Variants in COL11A1 observed in about 807,000 individuals in gnomAD.
COL11A1 encodes collagen type XI alpha 1 chain.
A neutral mutation model predicts 265.2 loss-of-function variants in COL11A1; 74 were observed. The observed-to-expected ratio is 0.28, with a 90% CI of 0.23 to 0.34. The LOEUF is 0.34. Ranked by LOEUF, COL11A1 falls within the 10% of genes least tolerant of loss-of-function variation. The pLI is 1.00. For missense variants in COL11A1, 2,165 were observed against 2,263.6 expected, an observed-to-expected ratio of 0.96 and a Z score of 0.88; for synonymous variants, 816 against 727.6, an observed-to-expected ratio of 1.12 and a Z score of -1.96.
intron 42 of COL11A1, among the ~76,000 whole-genome samples, chr1:102,940,944 T>C (rs1658656687): frequency 6.6e-6 from 1 of 152,212 alleles, no homozygotes; most frequent in Non-Finnish European, 1.5e-5. Flanking sequence ...TTACCTATAC[T>C]GTGTAATTTT....
intron 4 of COL11A1, among the ~76,000 whole-genome samples, chr1:103,047,522 C>T (rs1288364480): frequency 6.6e-6 from 1 of 152,142 alleles, no homozygotes; most frequent in African/African-American, 2.4e-5. Flanking sequence ...ATGGGGTTTT[C>T]TGGATATACA....
At chr1:102,914,915 T>TA (rs201316647) in intron 50 of COL11A1, 104 bp from the exon 51 acceptor site, 96 of 644,738 alleles carry the variant, frequency 1.5e-4, no homozygotes, top group African/African-American at 1.4e-3. Context: ...CCAGAATATA[T>TA]TTTTTTTTTA....
chr1:102,921,545 T>C lies in COL11A1; in HGVS notation c.3681A>G (p.Arg1227=). 6.2e-7 allele frequency: 1 copy of C among 1,613,448 alleles called. No homozygotes were observed. The highest frequency in any genetic ancestry group is 8.5e-7 in the Non-Finnish European group (1 of 1,179,602). The part of the protein sequence containing the change: ...PMGPPGPPGP[R]GPQGPNGADG... ...CAGCTCCATTGGGACCTTGAGGGCCTCTTGGGCCTGGAGGACCAGGTGGCC... is the reference window on the plus strand; with the variant it reads ...CAGCTCCATTGGGACCTTGAGGGCCCCTTGGGCCTGGAGGACCAGGTGGCC... Residue 1227 remains arginine (R), a synonymous_variant, in exon 48 of 67, where the codon AGA becomes AGG. Coordinates refer to ENST00000370096, the MANE Select transcript of COL11A1 (RefSeq NM_001854.4).
intron 4 of COL11A1, among the ~76,000 whole-genome samples, chr1:103,045,080 C>G (rs1018727826): frequency 6.6e-6 from 1 of 151,776 alleles, no homozygotes; most frequent in Non-Finnish European, 1.5e-5. Context: ...ACAAGCAGCC[C>G]CAAGGCAAGA....
chr1:102,898,894 A>G (rs1652795154), intron 55 of COL11A1, 47 bp downstream of exon 55: 1 of 991,594 alleles, frequency 1.0e-6, no homozygotes, highest in African/African-American at 1.7e-5. Flanking sequence ...AATACCTTGT[A>G]TATATAATAT....
intron 63 of COL11A1, 138 bp downstream of exon 63, chr1:102,886,669 T>C: frequency 1.6e-6 from 2 of 1,240,232 alleles, no homozygotes; most frequent in Non-Finnish European, 2.3e-6. Flanking sequence ...TGATTTTTTC[T>C]GTCTAGAAGA....
At chr1:102,950,873 T>C (rs1265209724) in intron 41 of COL11A1, among the ~76,000 whole-genome samples, 4 of 152,158 alleles carry the variant, frequency 2.6e-5, no homozygotes, top group Non-Finnish European at 4.4e-5. Flanking sequence ...TGAGGTCAGT[T>C]TCCCCCATGC....
At chr1:102,929,851 C>G (rs1030926631) in intron 46 of COL11A1, among the ~76,000 whole-genome samples, 6 of 152,144 alleles carry the variant, frequency 3.9e-5, no homozygotes, top group African/African-American at 1.4e-4. Flanking sequence ...CTCTTTGAAG[C>G]AATTGTGAAT....
intron 63 of COL11A1, among the ~76,000 whole-genome samples, chr1:102,885,688 C>T (rs1201963304): frequency 1.3e-5 from 2 of 151,764 alleles, no homozygotes; most frequent in East Asian, 3.9e-4. Context: ...CCACTGTAAA[C>T]CTTTGATATA....
At position 103,025,510 on chromosome 1, in the gene COL11A1, A is replaced by T; in HGVS notation, c.990+11T>A. ...GTGGGACTGTGATTTAATACTGTCT[A>T]TACGTATTACCTCATTTGTCCCAGA... On this transcript the variant is annotated intron_variant, in intron 7 of 66. Coordinates refer to ENST00000370096, the MANE Select transcript of COL11A1 (RefSeq NM_001854.4). 3.8e-6 allele frequency: 6 copies of T among 1,562,326 alleles called. No homozygotes were observed. The highest frequency in any genetic ancestry group is 5.3e-6 in the Non-Finnish European group (6 of 1,133,354).
chr1:103,061,113 A>AT (rs1670641767), intron 4 of COL11A1, among the ~76,000 whole-genome samples: 1 of 152,146 alleles, frequency 6.6e-6, no homozygotes, highest in Non-Finnish European at 1.5e-5. Flanking sequence ...AGCTAAATTA[A>AT]TTTCACACAG....
At chr1:102,992,790 A>T (rs1489096842) in intron 28 of COL11A1, among the ~76,000 whole-genome samples, 1 of 152,056 alleles carries the variant, frequency 6.6e-6, no homozygotes, top group Non-Finnish European at 1.5e-5. Context: ...TATTTTACAG[A>T]CTTCAAATGA....
At chr1:103,104,399 T>C (rs1023651328) in intron 1 of COL11A1, among the ~76,000 whole-genome samples, 16 of 152,086 alleles carry the variant, frequency 1.1e-4, no homozygotes, top group Admixed American at 6.6e-5. Flanking sequence ...TGAACAACCA[T>C]GTGGTTCTAT....
chr1:102,995,020 A>G (rs550171417), intron 28 of COL11A1, among the ~76,000 whole-genome samples: 2 of 152,122 alleles, frequency 1.3e-5, no homozygotes, highest in Non-Finnish European at 2.9e-5. Flanking sequence ...CACTATCAGG[A>G]GAACATCATG....
At chr1:103,057,137 T>G (rs1021987068) in intron 4 of COL11A1, among the ~76,000 whole-genome samples, 1 of 152,216 alleles carries the variant, frequency 6.6e-6, no homozygotes, top group South Asian at 2.1e-4. Flanking sequence ...CTTCCAAAAC[T>G]GGAGTATTTT....
At chr1:103,006,440 G>T (rs1358434579) in intron 15 of COL11A1, 125 bp from the exon 16 acceptor site, 2 of 404,598 alleles carry the variant, frequency 4.9e-6, no homozygotes, top group Non-Finnish European at 8.0e-6. Context: ...TCAAACACAA[G>T]AAAATTATTT....
intron 41 of COL11A1, among the ~76,000 whole-genome samples, chr1:102,949,889 A>G (rs1000074197): frequency 4.6e-5 from 7 of 152,210 alleles, no homozygotes. Flanking sequence ...AACATTGTGT[A>G]AAACAAACAA....
chr1:103,006,376 C>A, intron 15 of COL11A1, 61 bp from the exon 16 acceptor site: 1 of 1,286,958 alleles, frequency 7.8e-7, no homozygotes, highest in Admixed American at 2.0e-5. Context: ...AACTCAATAG[C>A]ATCAAGAGAG....
intron 5 of COL11A1, among the ~76,000 whole-genome samples, chr1:103,027,825 C>T (rs1353940970): frequency 2.0e-5 from 3 of 152,190 alleles, no homozygotes; most frequent in African/African-American, 7.2e-5. Flanking sequence ...AGGATATATA[C>T]AGACCTGTAC....
Sources: allele counts gnomAD v4.1 joint callset (sites outside exome capture counted in the v4.1 genomes callset), GRCh38; gene constraint gnomAD v4.1.1; transcripts MANE v1.5; gene names NCBI Gene and HGNC (gene_info 2026-07-23, HGNC 2026-07-21).